MTMR7: variants seen among roughly 807,000 people sequenced by gnomAD.
MTMR7 encodes the protein phosphatidylinositol-3-phosphate phosphatase MTMR7.
In MTMR7, 76 loss-of-function variants were observed where a neutral mutation model predicts 81.2. The ratio of observed to expected loss-of-function variants is 0.94; its 90% CI spans 0.78 to 1.13. The LOEUF (loss-of-function observed/expected upper bound fraction) is 1.13, where lower values mean the gene tolerates loss of function less well. Ranked by LOEUF, MTMR7 falls within the 50% of genes most tolerant of loss-of-function variation. MTMR7 has a pLI of 0.00. For synonymous variants in MTMR7, 372 were observed against 289.8 expected (o/e 1.28, Z -2.88); for missense variants, 1,044 against 820.0 (o/e 1.27, Z -3.34).
At chr8:17,351,123 A>G (rs1227117912) in intron 4 of MTMR7, among the ~76,000 whole-genome samples, 1 of 152,232 alleles carries the variant, frequency 6.6e-6, no homozygotes, top group Non-Finnish European at 1.5e-5. Context: ...CACCAGACCA[A>G]CAACATTTTC....
intron 7 of MTMR7, among the ~76,000 whole-genome samples, chr8:17,329,783 G>C (rs1285093589): frequency 1.3e-5 from 2 of 152,160 alleles, no homozygotes; most frequent in Admixed American, 6.5e-5. Context: ...GCCAAACTCT[G>C]CATGATAATC....
At chr8:17,302,339 C>G (rs1166436817) in intron 12 of MTMR7, 59 bp from the exon 13 acceptor site, 2 of 1,550,730 alleles carry the variant, frequency 1.3e-6, no homozygotes, top group Admixed American at 2.0e-5. Flanking sequence ...AATTCACATC[C>G]TCAAGTCTTC....
intron 1 of MTMR7, among the ~76,000 whole-genome samples, chr8:17,407,631 T>A (rs573771938): frequency 6.6e-6 from 1 of 151,242 alleles, no homozygotes; most frequent in Admixed American, 6.6e-5. Flanking sequence ...CTTCTAAAAG[T>A]ATGTTTTGAA....
At chr8:17,306,119 A>C (rs1267299627) in intron 10 of MTMR7, among the ~76,000 whole-genome samples, 162 bp from the exon 11 acceptor site, 1 of 152,208 alleles carries the variant, frequency 6.6e-6, no homozygotes, top group Non-Finnish European at 1.5e-5. Context: ...TTTTAAATTC[A>C]AATTTCCAGA....
At chr8:17,383,026 T>G (rs1820808000) in intron 1 of MTMR7, among the ~76,000 whole-genome samples, 1 of 149,934 alleles carries the variant, frequency 6.7e-6, no homozygotes, top group Non-Finnish European at 1.5e-5. Flanking sequence ...CTCCGAGATA[T>G]GGGGGGGCCG....
chr8:17,374,607 G>C (rs527377930), intron 1 of MTMR7, among the ~76,000 whole-genome samples: 2 of 151,704 alleles, frequency 1.3e-5, no homozygotes, highest in Non-Finnish European at 2.9e-5. Context: ...GCGACAGAGT[G>C]AGACTCCATC....
intron 7 of MTMR7, among the ~76,000 whole-genome samples, chr8:17,328,954 G>A (rs1818846284): frequency 6.6e-6 from 1 of 152,212 alleles, no homozygotes; most frequent in Admixed American, 6.5e-5. Context: ...GACCTACACA[G>A]GATGTGAACT....
intron 3 of MTMR7, among the ~76,000 whole-genome samples, chr8:17,370,257 T>C (rs1339109208): frequency 6.6e-6 from 1 of 151,678 alleles, no homozygotes; most frequent in Non-Finnish European, 1.5e-5. Flanking sequence ...GGCATGGTAG[T>C]TCACTCCTGT....
chr8:17,316,019 A>G (rs1297199946), intron 7 of MTMR7, among the ~76,000 whole-genome samples: 2 of 152,184 alleles, frequency 1.3e-5, no homozygotes, highest in Non-Finnish European at 2.9e-5. Flanking sequence ...CTATCTCTAA[A>G]AAATAAAGTT....
At chr8:17,378,817 G>A (rs1166156711) in intron 1 of MTMR7, among the ~76,000 whole-genome samples, 2 of 152,158 alleles carry the variant, frequency 1.3e-5, no homozygotes, top group African/African-American at 4.8e-5. Context: ...TTCTTCTTTT[G>A]TGGTTCATAA....
At chr8:17,413,226 C>T (rs1821785365) in intron 1 of MTMR7, 43 bp downstream of exon 1, 2 of 1,542,872 alleles carry the variant, frequency 1.3e-6, no homozygotes, top group South Asian at 2.4e-5. Flanking sequence ...CCTCCTCCCC[C>T]ATCTCCTCCC....
At chr8:17,410,544 T>TC (rs113588336) in intron 1 of MTMR7, among the ~76,000 whole-genome samples, 21,250 of 152,078 alleles carry the variant, frequency 0.14, 2,779 homozygotes, top group East Asian at 0.33. Flanking sequence ...ATACTTGGTG[T>TC]CCCCCCTTTA....
At chr8:17,412,016 T>C (rs2150591271) in intron 1 of MTMR7, among the ~76,000 whole-genome samples, 1 of 152,346 alleles carries the variant, frequency 6.6e-6, no homozygotes, top group Middle Eastern at 3.4e-3. Context: ...TCTGAAAGCT[T>C]TGAGCCACCT....
chr8:17,398,030 G>A (rs1355943101), intron 1 of MTMR7, among the ~76,000 whole-genome samples: 2 of 152,112 alleles, frequency 1.3e-5, no homozygotes, highest in Non-Finnish European at 2.9e-5. Flanking sequence ...ACCGACGTTC[G>A]CTTAAAGCCC....
At chr8:17,380,481 C>T (rs532297317) in intron 1 of MTMR7, among the ~76,000 whole-genome samples, 1 of 151,900 alleles carries the variant, frequency 6.6e-6, no homozygotes, top group Non-Finnish European at 1.5e-5. Context: ...GGGTCTCCAA[C>T]CTTTCGGCTT....
chr8:17,335,553 G>T (rs556158404), intron 6 of MTMR7, among the ~76,000 whole-genome samples: 1 of 152,308 alleles, frequency 6.6e-6, no homozygotes, highest in South Asian at 2.1e-4. Flanking sequence ...ACGCTGACAT[G>T]GTTGGGAAAT....
intron 1 of MTMR7, among the ~76,000 whole-genome samples, chr8:17,374,640 TA>T (rs1372688913): frequency 3.4e-5 from 5 of 147,412 alleles, no homozygotes; most frequent in African/African-American, 1.0e-4. Context: ...AATAAATAAA[TA>T]AAATAAAATA....
chr8:17,387,934 G>A (rs1186860812), intron 1 of MTMR7, among the ~76,000 whole-genome samples: 1 of 152,156 alleles, frequency 6.6e-6, no homozygotes, highest in Non-Finnish European at 1.5e-5. Flanking sequence ...TGTTAAAACA[G>A]CAGATTTGAC....
At chr8:17,343,940 G>A (rs1819478194) in intron 5 of MTMR7, among the ~76,000 whole-genome samples, 1 of 152,190 alleles carries the variant, frequency 6.6e-6, no homozygotes, top group South Asian at 2.1e-4. Context: ...TCAGAGCACA[G>A]ATTAAAAACT....
Sources: allele counts gnomAD v4.1 joint callset (sites outside exome capture counted in the v4.1 genomes callset), GRCh38; gene constraint gnomAD v4.1.1; transcripts MANE v1.5; gene names NCBI Gene and HGNC (gene_info 2026-07-23, HGNC 2026-07-21).